Variants in PRPF40B observed in about 807,000 individuals in gnomAD.
PRPF40B encodes the protein pre-mRNA-processing factor 40 homolog B.
In PRPF40B, 56 loss-of-function variants were observed where a neutral mutation model predicts 124.5. The ratio of observed to expected loss-of-function variants is 0.45; its 90% CI spans 0.36 to 0.56. PRPF40B has a LOEUF of 0.56. Among genes scored for constraint, PRPF40B ranks in the 20% least tolerant of loss-of-function variants. The pLI is 0.00. For missense variants in PRPF40B, 1,053 were observed against 1,169.5 expected, an observed-to-expected ratio of 0.90 and a Z score of 1.45; for synonymous variants, 443 against 426.4, an observed-to-expected ratio of 1.04 and a Z score of -0.48.
At chr12:49,633,862 A>G in intron 9 of PRPF40B, 24 bp from the exon 10 acceptor site, 2 of 1,613,282 alleles carry the variant, frequency 1.2e-6, no homozygotes, top group Non-Finnish European at 1.7e-6. Context: ...CCTCCTGGAC[A>G]CCGCCCTTCT....
intron 1 of PRPF40B, chr12:49,624,037 A>G (rs556201236): frequency 1.0e-6 from 1 of 995,746 alleles, no homozygotes; most frequent in South Asian, 4.7e-5. Context: ...GGTGCTCCTC[A>G]GACCACTTGG....
chr12:49,628,976 CT>C (rs1940982346), intron 1 of PRPF40B, among the ~76,000 whole-genome samples: 2 of 152,340 alleles, frequency 1.3e-5, no homozygotes, highest in African/African-American at 4.8e-5. Flanking sequence ...CAGATACCAC[CT>C]TTCCCCGGGA....
chr12:49,636,924 C>T (rs115064935), intron 16 of PRPF40B, 75 bp downstream of exon 16: 1 of 1,599,518 alleles, frequency 6.3e-7, no homozygotes. Context: ...TTCCCTGCCC[C>T]CTTCTGGATA....
upstream of PRPF40B, chr12:49,623,385 C>T: frequency 6.8e-6 from 2 of 292,680 alleles, no homozygotes; most frequent in Non-Finnish European, 1.2e-5. Context: ...GGGGCGGGGC[C>T]TGGTTCTCCG....
chr12:49,643,917 G>A lies in PRPF40B; in HGVS notation c.2499G>A (p.Glu833=). Residue 833 remains glutamate, a synonymous_variant, in exon 25 of 26, where the codon GAG becomes GAA. Coordinates refer to ENST00000548825, the MANE Select transcript of PRPF40B (RefSeq NM_001031698.3). The part of the protein sequence containing the change: ...PEEKAGKESD[E]KEQEQDKDRE... Reference sequence around the variant, plus strand: ...AGAAAGCTGGCAAGGAGAGCGATGAGAAAGAACAAGAACAGGACAAGGACA... The same window carrying A: ...AGAAAGCTGGCAAGGAGAGCGATGAAAAAGAACAAGAACAGGACAAGGACA... 1 of 1,614,194 alleles carries A rather than the reference G, an allele frequency of 6.2e-7. No individual in the cohort carries two copies. Among genetic ancestry groups the A allele is most frequent in the Non-Finnish European group, 8.5e-7 (1 of 1,180,022 alleles).
chr12:49,624,845 CAAAA>C (rs74552039), intron 1 of PRPF40B, among the ~76,000 whole-genome samples: 48 of 88,810 alleles, frequency 5.4e-4, no homozygotes, highest in African/African-American at 1.8e-3. Context: ...AGCTCTGTCT[CAAAA>C]AAAAAAAAAA....
At position 49,634,320 on chromosome 12, in the gene PRPF40B, T is replaced by C. The variant is rs977066836; in HGVS notation, c.813-12T>C. The C allele has an allele frequency of 1.2e-6, 2 of 1,614,038 alleles. No homozygotes were observed. Among genetic ancestry groups the C allele is most frequent in the African/African-American group, 2.7e-5 (2 of 74,918 alleles). On this transcript the variant is annotated splice_polypyrimidine_tract_variant and intron_variant, in intron 10 of 25. Coordinates refer to ENST00000548825, the MANE Select transcript of PRPF40B (RefSeq NM_001031698.3). ...TGGGGGACCCTGTGGCTGAGTCCCCTGTGCCCTCCAGTTCTGGACAGCATC... is the reference window on the plus strand; with the variant it reads ...TGGGGGACCCTGTGGCTGAGTCCCCCGTGCCCTCCAGTTCTGGACAGCATC...
In PRPF40B at chr12:49,634,401, T is replaced by C; in HGVS notation, c.882T>C (p.Ser294=). The change falls in exon 11 of 26, where the codon AGT becomes AGC. Residue 294 remains serine (S), a synonymous_variant. Transcript: ENST00000548825. Reference sequence around the variant, plus strand: ...CAGAACCAGAGAGGTCTGGCCTCAGTTGGAGCAACCGGGAGAAGGCAAAGC... The same window carrying C: ...CAGAACCAGAGAGGTCTGGCCTCAGCTGGAGCAACCGGGAGAAGGCAAAGC... The part of the protein sequence containing the change: ...SKPEPERSGL[S]WSNREKAKQA... The C allele has an allele frequency of 6.2e-7, 1 of 1,614,122 alleles. No homozygotes were observed. The highest frequency in any genetic ancestry group is 8.5e-7 in the Non-Finnish European group (1 of 1,179,992).
chr12:49,630,599 G>T lies in PRPF40B; in HGVS notation c.58G>T (p.Gly20Trp). 7.4e-7 allele frequency: 1 copy of T among 1,357,896 alleles called. No individual in the cohort carries two copies. The highest frequency in any genetic ancestry group is 1.1e-6 in the Non-Finnish European group (1 of 948,890). The allele number at this position is 1,357,896 out of a possible 1,614,324, so 84.1% of individuals were successfully genotyped here. A position where few individuals can be genotyped will look rare whatever the true frequency, so the allele number is the denominator to read the frequency against. The change falls in exon 2 of 26, where the codon GGG becomes TGG. Residue 20 changes from glycine (G) to tryptophan (W), a missense_variant. Physicochemically the swap from Gly to Trp is radical, Grantham distance 184. Transcript: ENST00000548825. ...PPAAPAPFPP[G>W]PPMMPPPFMP... is the part of the protein sequence containing the mutation. Reference sequence around the variant, plus strand: ...AGCAGCGCCTGCCCCCTTCCCACCGGGGCCCCCCATGATGCCACCACCCTT... The same window carrying T: ...AGCAGCGCCTGCCCCCTTCCCACCGTGGCCCCCCATGATGCCACCACCCTT...
rs542418928 is a variant in PRPF40B, at chr12:49,632,649, C to G, written c.322+26C>G. The G allele has an allele frequency of 5.6e-6, 9 of 1,612,730 alleles. No homozygotes were observed. In the African/African-American group the frequency reaches 8.0e-5, roughly 14 times the overall value. The stretch of plus-strand genomic sequence containing the variant: ...GTGAGTCTTCTGGGGGCCTGCTCCC[C>G]CCAGGCTCGGAGGTTGGGGGGCATA... On this transcript the variant is annotated intron_variant, in intron 5 of 25. Coordinates refer to ENST00000548825, the MANE Select transcript of PRPF40B (RefSeq NM_001031698.3).
Position 49,644,215 on chromosome 12 carries a change from C to T in PRPF40B, c.*23C>T, listed in dbSNP as rs372212468. On this transcript the variant is annotated 3_prime_UTR_variant, in exon 26 of 26. Transcript: ENST00000548825. ...TGACCCAATGAGCTGTTCTCTGCCT[C>T]GGGTCTGTGTGAGGCCATGGCTCCT... The T allele has an allele frequency of 2.4e-5, 39 of 1,613,318 alleles. No homozygotes were observed. The highest frequency in any genetic ancestry group is 2.9e-5 in the Non-Finnish European group (34 of 1,179,582).
chr12:49,627,600 T>C (rs559731100), intron 1 of PRPF40B, among the ~76,000 whole-genome samples: 8 of 151,926 alleles, frequency 5.3e-5, no homozygotes, highest in Admixed American at 4.6e-4. Context: ...ATGGGGGAGA[T>C]TGGCAAGGTA....
In PRPF40B at chr12:49,632,995, T is replaced by TGGGGGGCG; in HGVS notation, c.349-18_349-17insGGGGGCGG. On this transcript the variant is annotated intron_variant, in intron 6 of 25. Coordinates refer to ENST00000548825, the MANE Select transcript of PRPF40B (RefSeq NM_001031698.3). ...AAAAGGGGCCTTGACCACCATTCTGTGCCCCCCCCCCCACCCAGAGGGCCC... is the reference window on the plus strand; with the variant it reads ...AAAAGGGGCCTTGACCACCATTCTGTGGGGGGCGGCCCCCCCCCCCACCCAGAGGGCCC... The TGGGGGGCG allele has an allele frequency of 2.2e-6, 3 of 1,365,452 alleles. No homozygotes were observed. The highest frequency in any genetic ancestry group is 3.1e-6 in the Non-Finnish European group (3 of 979,272). 84.6% of individuals were successfully genotyped at this position (1,365,452 alleles called of 1,614,324 possible).
At position 49,632,900 on chromosome 12, in the gene PRPF40B, G is replaced by A. The variant is rs1183014955; in HGVS notation, c.348+20G>A. Reference sequence around the variant, plus strand: ...CCTCCGGTGAGTTCTTCCAGCTCAGGGGTCTCTGGGTAGAAAGCCTGAGAG... The same window carrying A: ...CCTCCGGTGAGTTCTTCCAGCTCAGAGGTCTCTGGGTAGAAAGCCTGAGAG... On this transcript the variant is annotated intron_variant, in intron 6 of 25. Coordinates refer to ENST00000548825, the MANE Select transcript of PRPF40B (RefSeq NM_001031698.3). 1.2e-6 allele frequency: 2 copies of A among 1,613,706 alleles called. No homozygotes were observed. The highest frequency in any genetic ancestry group is 1.7e-5 in the Admixed American group (1 of 60,024).
chr12:49,633,748 G>C, intron 9 of PRPF40B, 87 bp downstream of exon 9: 1 of 1,608,544 alleles, frequency 6.2e-7, no homozygotes, highest in East Asian at 2.2e-5. Context: ...TACACTGTGG[G>C]AGGAAGAGCC....
chr12:49,638,704 G>C (rs756220303), intron 18 of PRPF40B: 1 of 152,246 alleles, frequency 6.6e-6, no homozygotes, highest in Non-Finnish European at 1.5e-5. Flanking sequence ...ACTGGAGGCA[G>C]ACTGCCTACA....
Position 49,623,705 on chromosome 12 carries a change from G to C in PRPF40B, c.3+112G>C, listed in dbSNP as rs1216329629. The C allele has an allele frequency of 1.9e-5, 23 of 1,222,808 alleles. 1 individual carries two copies. In the East Asian group the frequency reaches 2.9e-4, roughly 15 times the overall value. 75.7% of individuals were successfully genotyped at this position (1,222,808 alleles called of 1,614,324 possible). On this transcript the variant is annotated intron_variant, in intron 1 of 25. Transcript: ENST00000548825. ...GCCGCTGGGGATAGCTGGGACCCCG[G>C]GGAGGGCGAGGGAGGCCAAGGGTGA...
chr12:49,642,155 C>G lies in PRPF40B; in HGVS notation c.1885-80C>G. On this transcript the variant is annotated intron_variant, in intron 19 of 25. Transcript: ENST00000548825. The surrounding 1 kb of genome is among the most constrained non-coding windows in gnomAD (Gnocchi z 5.8). ...TGGTAGAAGCCCAGACCCTAACTTT[C>G]CACCTCCTAAGGTATGCCTGAGTGG... is the stretch of plus-strand genomic sequence containing the variant. 6.2e-7 allele frequency: 1 copy of G among 1,609,046 alleles called. No individual in the cohort carries two copies. Among genetic ancestry groups the G allele is most frequent in the Non-Finnish European group, 8.5e-7 (1 of 1,176,550 alleles).
chr12:49,634,891 G>A (rs537774863), intron 12 of PRPF40B: 2 of 648,858 alleles, frequency 3.1e-6, no homozygotes, highest in African/African-American at 1.8e-5. Flanking sequence ...CAAAGGAAAA[G>A]GGCCCAGTAT....
Sources: gnomAD v4.1 joint callset for allele counts (sites outside exome capture counted in the v4.1 genomes callset) on GRCh38, gnomAD v4.1.1 for gene constraint, Gnocchi (gnomAD v3.1) non-coding constraint, MANE v1.5 for transcripts, NCBI Gene and HGNC (gene_info 2026-07-23, HGNC 2026-07-21) for gene names.